Variants in ACACB observed in about 807,000 individuals in gnomAD.
ACACB encodes acetyl-CoA carboxylase beta, also known as acetyl-CoA carboxylase 2.
Under a neutral mutation model 278.8 loss-of-function variants are expected in ACACB, and 209 were observed. The observed-to-expected ratio is 0.75, with a 90% CI of 0.67 to 0.84. The LOEUF is 0.84. Ranked by LOEUF, ACACB falls within the 40% of genes least tolerant of loss-of-function variation. The pLI is 0.00. For missense variants in ACACB, 2,850 were observed against 3,269.0 expected (o/e 0.87, Z 3.13); for synonymous variants, 1,174 against 1,285.6 (o/e 0.91, Z 1.86).
intron 21 of ACACB, among the ~76,000 whole-genome samples, chr12:109,210,453 A>C (rs7976048): frequency 1.5e-5 from 2 of 136,616 alleles, no homozygotes; most frequent in Non-Finnish European, 3.2e-5. Context: ...ATGTGTATAT[A>C]TGTATATATA....
At chr12:109,141,285 T>C (rs954687518) in intron 2 of ACACB, among the ~76,000 whole-genome samples, 14 of 152,138 alleles carry the variant, frequency 9.2e-5, no homozygotes, top group South Asian at 2.1e-4. Flanking sequence ...ACTCAAACAC[T>C]CTAAAGGTCT....
At chr12:109,218,331 A>G (rs112975479) in intron 24 of ACACB, among the ~76,000 whole-genome samples, 4,608 of 151,896 alleles carry the variant, frequency 0.03, 80 homozygotes, top group Middle Eastern at 0.051. Flanking sequence ...CCTCCCAAGT[A>G]GCTGGGATTA....
chr12:109,142,849 G>T (rs1009500307), intron 2 of ACACB, among the ~76,000 whole-genome samples: 6 of 152,224 alleles, frequency 3.9e-5, no homozygotes, highest in African/African-American at 1.2e-4. Context: ...TTACAGGCAT[G>T]AGCCATCACG....
chr12:109,128,766 T>A (rs866340913), intron 1 of ACACB, among the ~76,000 whole-genome samples: 18 of 150,638 alleles, frequency 1.2e-4, no homozygotes, highest in Middle Eastern at 3.4e-3. Flanking sequence ...TTTTTTTTTT[T>A]AAAGCAATAA....
chr12:109,185,754 G>T lies in ACACB; in HGVS notation c.1980+14G>T, dbSNP rs749483265. On this transcript the variant is annotated intron_variant, in intron 12 of 52. Coordinates refer to ENST00000338432, the MANE Select transcript of ACACB (RefSeq NM_001093.4). ...AACCCAGACGAGGCAAGTTATGGGG[G>T]CCCCTGTGTTTCCACCATCTCAGAT... The T allele has an allele frequency of 1.2e-6, 2 of 1,600,088 alleles. No individual in the cohort carries two copies. The highest frequency in any genetic ancestry group is 1.7e-6 in the Non-Finnish European group (2 of 1,171,538).
chr12:109,214,378 G>A (rs1295140563), intron 22 of ACACB, among the ~76,000 whole-genome samples: 1 of 152,122 alleles, frequency 6.6e-6, no homozygotes, highest in African/African-American at 2.4e-5. Flanking sequence ...TAGAAAACTG[G>A]CCTCCTTTTC....
rs901279927 is a variant in ACACB at position 109,247,596 on chromosome 12, A to G, written c.5572-10A>G. The G allele has an allele frequency of 3.7e-6, 6 of 1,608,656 alleles. No homozygotes were observed. Among genetic ancestry groups the G allele is most frequent in the African/African-American group, 2.7e-5 (2 of 74,900 alleles). On this transcript the variant is annotated splice_polypyrimidine_tract_variant and intron_variant, in intron 39 of 52. Coordinates refer to ENST00000338432, the MANE Select transcript of ACACB (RefSeq NM_001093.4). The stretch of plus-strand genomic sequence containing the variant: ...ACTGGATTCGTAGCCTCACTAAAGT[A>G]TTTTTTAAGGGATTTAAATACCTGT...
At chr12:109,234,114 G>A in intron 31 of ACACB, 69 bp downstream of exon 31, 1 of 1,353,656 alleles carries the variant, frequency 7.4e-7, no homozygotes, top group Non-Finnish European at 1.0e-6. Flanking sequence ...GCTCGTCGAG[G>A]CGGCCCTTGG....
intron 1 of ACACB, among the ~76,000 whole-genome samples, chr12:109,126,029 C>T (rs910452916): frequency 8.5e-5 from 13 of 152,262 alleles, no homozygotes; most frequent in African/African-American, 3.1e-4. Context: ...CTCCATGTCT[C>T]CAGCAGCGTG....
intron 22 of ACACB, among the ~76,000 whole-genome samples, chr12:109,214,266 A>G (rs2045931337): frequency 1.3e-5 from 2 of 152,236 alleles, no homozygotes; most frequent in South Asian, 4.1e-4. Context: ...GTCTTTTATG[A>G]AAAAGAAAAA....
intron 1 of ACACB, among the ~76,000 whole-genome samples, chr12:109,138,726 C>T (rs2043029450): frequency 6.6e-6 from 1 of 152,252 alleles, no homozygotes; most frequent in African/African-American, 2.4e-5. Flanking sequence ...CATGGTGGTG[C>T]ATGCCTGTAG....
chr12:109,220,374 A>G (rs549965603), intron 24 of ACACB, among the ~76,000 whole-genome samples: 1 of 152,330 alleles, frequency 6.6e-6, no homozygotes, highest in Admixed American at 6.5e-5. Context: ...TTATTTCGAA[A>G]TGAATTTTTT....
rs1565966737 is a variant in ACACB, at chr12:109,245,623, C to T, written c.5179-3C>T. 1.9e-6 allele frequency: 3 copies of T among 1,613,234 alleles called. No individual in the cohort carries two copies. Among genetic ancestry groups the T allele is most frequent in the Non-Finnish European group, 2.5e-6 (3 of 1,179,726 alleles). On this transcript the variant is annotated splice_region_variant and splice_polypyrimidine_tract_variant and intron_variant, in intron 37 of 52. Coordinates refer to ENST00000338432, the MANE Select transcript of ACACB (RefSeq NM_001093.4). Reference sequence around the variant, plus strand: ...TTTTTTCTCTTTCCTCTTCTCTCCCCAGGCTCTCTTTAAACTGTGGGGCTC... The same window carrying T: ...TTTTTTCTCTTTCCTCTTCTCTCCCTAGGCTCTCTTTAAACTGTGGGGCTC...
chr12:109,257,737 G>GT (rs943670068), intron 45 of ACACB, among the ~76,000 whole-genome samples: 9 of 152,080 alleles, frequency 5.9e-5, no homozygotes, highest in South Asian at 4.2e-4. Flanking sequence ...CACCTAGCCA[G>GT]TTTTTTTATT....
upstream of ACACB, among the ~76,000 whole-genome samples, chr12:109,112,670 AAG>A (rs1297133403): frequency 6.8e-6 from 1 of 147,184 alleles, no homozygotes; most frequent in East Asian, 2.0e-4. Context: ...ACAAGAGCAT[AAG>A]AGCAAAACTC....
At chr12:109,140,781 A>G (rs1200260488) in intron 2 of ACACB, among the ~76,000 whole-genome samples, 3 of 151,884 alleles carry the variant, frequency 2.0e-5, no homozygotes, top group African/African-American at 4.8e-5. Context: ...GTGTTTAGTT[A>G]TAATTTAAGC....
chr12:109,154,610 T>C (rs1236816449), intron 2 of ACACB: 1 of 119,688 alleles, frequency 8.4e-6, no homozygotes, highest in African/African-American at 3.1e-5. Flanking sequence ...TGGGGCGGGG[T>C]CGGTGTGGGG....
At chr12:109,194,982 G>A (rs2045064186) in intron 16 of ACACB, among the ~76,000 whole-genome samples, 1 of 152,114 alleles carries the variant, frequency 6.6e-6, no homozygotes, top group East Asian at 1.9e-4. Context: ...TGGAGTCCCT[G>A]GGGCTTATTC....
chr12:109,189,098 C>T (rs926330905), intron 13 of ACACB, among the ~76,000 whole-genome samples: 4 of 152,130 alleles, frequency 2.6e-5, no homozygotes, highest in East Asian at 1.9e-4. Context: ...ACACCATCTC[C>T]GACACTTCTC....
Sources: gnomAD v4.1 joint callset for allele counts (sites outside exome capture counted in the v4.1 genomes callset) on GRCh38, gnomAD v4.1.1 for gene constraint, MANE v1.5 for transcripts, NCBI Gene and HGNC (gene_info 2026-07-23, HGNC 2026-07-21) for gene names.